CELF2: variants seen among roughly 807,000 people sequenced by gnomAD.
CELF2 encodes CUGBP Elav-like family member 2.
Under a neutral mutation model 62.6 loss-of-function variants are expected in CELF2, and 8 were observed. The ratio of observed to expected loss-of-function variants is 0.13; its 90% CI spans 0.07 to 0.23. The LOEUF is 0.23. CELF2 is among the 10% of genes least tolerant of loss of function. The probability of loss-of-function intolerance (pLI) is 1.00; values close to 1 mark genes in which losing one functional copy is unlikely to be tolerated. For missense variants in CELF2, 333 were observed against 671.0 expected, an observed-to-expected ratio of 0.50 and a Z score of 5.56; for synonymous variants, 258 against 250.0, an observed-to-expected ratio of 1.03 and a Z score of -0.30.
chr10:11,204,779 T>C (rs2060044882), intron 2 of CELF2, among the ~76,000 whole-genome samples: 1 of 152,172 alleles, frequency 6.6e-6, no homozygotes, highest in African/African-American at 2.4e-5. Flanking sequence ...CCGCCGGACA[T>C]CTCCTCCTCC....
chr10:11,203,351 T>A (rs1435092637), intron 2 of CELF2, among the ~76,000 whole-genome samples: 1 of 152,248 alleles, frequency 6.6e-6, no homozygotes, highest in Non-Finnish European at 1.5e-5. Context: ...TCTTCCTACC[T>A]GCTAATGAGT....
intron 1 of CELF2, among the ~76,000 whole-genome samples, chr10:11,115,350 T>C (rs1404544010): frequency 6.6e-6 from 1 of 152,214 alleles, no homozygotes; most frequent in Non-Finnish European, 1.5e-5. Context: ...TACAGGCGTT[T>C]AACATACTTT....
At position 11,156,659 on chromosome 10, in the gene CELF2, G is replaced by A. The variant is rs1187604957; in HGVS notation, c.75-8827G>A. ...ACTCGCGTCATAAATATGATTAAGT[G>A]AATGAATGAGACATCCCTGTCTTCA... On this transcript the variant is annotated intron_variant, in intron 1 of 12. Coordinates refer to ENST00000633077, the MANE Select transcript of CELF2 (RefSeq NM_001326342.2). The surrounding 1 kb of genome is among the most constrained non-coding windows in gnomAD (Gnocchi z 4.3). 6.6e-6 allele frequency among the ~76,000 whole-genome samples: 1 copy of A among 152,200 alleles called. No homozygotes were observed. The highest frequency in any genetic ancestry group is 1.5e-5 in the Non-Finnish European group (1 of 68,038).
At chr10:11,256,525 C>T (rs2078781822) in intron 4 of CELF2, among the ~76,000 whole-genome samples, 1 of 149,224 alleles carries the variant, frequency 6.7e-6, no homozygotes, top group Non-Finnish European at 1.5e-5. Context: ...AAGCAGAGTC[C>T]TCCTCTAGCC....
intron 1 of CELF2, among the ~76,000 whole-genome samples, chr10:11,102,538 A>G (rs1025569378): frequency 1.3e-5 from 2 of 152,176 alleles, no homozygotes; most frequent in Non-Finnish European, 2.9e-5. Context: ...TGTAGCTTTC[A>G]TGGAGATGTG....
At chr10:10,900,598 T>C (rs970174935) in intron 1 of CELF2, among the ~76,000 whole-genome samples, 1 of 152,106 alleles carries the variant, frequency 6.6e-6, no homozygotes, top group Non-Finnish European at 1.5e-5. Context: ...GAAAATTCCC[T>C]CCTGCTATAG....
intron 2 of CELF2, among the ~76,000 whole-genome samples, chr10:10,963,460 C>G (rs2049775856): frequency 6.6e-6 from 1 of 152,200 alleles, no homozygotes; most frequent in South Asian, 2.1e-4. Flanking sequence ...ACGTCTCTCA[C>G]CACTGACGGT....
chr10:10,797,999 G>T (rs1023021045), upstream of CELF2, among the ~76,000 whole-genome samples: 11 of 152,024 alleles, frequency 7.2e-5, no homozygotes, highest in Non-Finnish European at 1.2e-4. Context: ...GGGGCGAGTA[G>T]GGGGTAGCCT....
chr10:11,113,809 A>G (rs2055862704), intron 1 of CELF2, among the ~76,000 whole-genome samples: 1 of 152,186 alleles, frequency 6.6e-6, no homozygotes, highest in African/African-American at 2.4e-5. Flanking sequence ...TAGGAACACA[A>G]GAAACAAAAG....
intron 11 of CELF2, among the ~76,000 whole-genome samples, chr10:11,323,212 G>A (rs2095536389): frequency 6.6e-6 from 1 of 151,904 alleles, no homozygotes; most frequent in Admixed American, 6.6e-5. Flanking sequence ...AATAACCATT[G>A]CCCACTCCTG....
At chr10:10,967,967 G>A (rs1292284909) in intron 2 of CELF2, among the ~76,000 whole-genome samples, 1 of 151,952 alleles carries the variant, frequency 6.6e-6, no homozygotes, top group African/African-American at 2.4e-5. Context: ...AGTACTGAGG[G>A]AGAAAAAAAT....
chr10:10,682,313 G>T, the CELF2 span, among the ~76,000 whole-genome samples: 2 of 152,186 alleles, frequency 1.3e-5, no homozygotes, highest in African/African-American at 4.8e-5. Context: ...AAGAGCAAAT[G>T]ACACAAAATT....
In CELF2 at chr10:10,863,489, G is replaced by A. The variant is rs749182347; in HGVS notation, c.54-56475G>A. Among the ~76,000 whole-genome samples, 5 of 152,188 alleles carry A rather than the reference G, an allele frequency of 3.3e-5. No individual in the cohort carries two copies. The South Asian group carries it at 1.0e-3, about 32-fold the overall frequency. On this transcript the variant is annotated intron_variant, in intron 1 of 13. Coordinates refer to the CELF2 transcript ENST00000636488. ...TATGTGACCTTGGGCAAAGTTAGCA[G>A]ATCTCTCTAAACCTTGGTTGTCTTA... is the stretch of plus-strand genomic sequence containing the variant.
the CELF2 span, among the ~76,000 whole-genome samples, chr10:10,768,671 T>C: frequency 6.6e-6 from 1 of 151,692 alleles, no homozygotes; most frequent in East Asian, 1.9e-4. Flanking sequence ...CCTGCTGGGT[T>C]CAAGCGATTC....
At chr10:11,301,918 C>A (rs2093795475) in intron 9 of CELF2, among the ~76,000 whole-genome samples, 1 of 152,122 alleles carries the variant, frequency 6.6e-6, no homozygotes, top group South Asian at 2.1e-4. Context: ...ACGTGGGCCT[C>A]ATGTGGAGAG....
rs137968170 is a variant in CELF2 at position 11,334,837 on chromosome 10, G to A, written c.*5784G>A. Reference sequence around the variant, plus strand: ...TTCTAAAAGAAGTGAGTTCTCCAGGGAAGAAAAATCAACTTAGCCAGTGAA... The same window carrying A: ...TTCTAAAAGAAGTGAGTTCTCCAGGAAAGAAAAATCAACTTAGCCAGTGAA... On this transcript the variant is annotated 3_prime_UTR_variant, in exon 13 of 13. Transcript: ENST00000633077. 7.2e-4 allele frequency: 110 copies of A among 152,234 alleles called. No homozygotes were observed. The highest frequency in any genetic ancestry group is 2.6e-3 in the African/African-American group (108 of 41,538). 9.4% of individuals were successfully genotyped at this position (152,234 alleles called of 1,614,324 possible).
chr10:11,116,289 CT>C (rs2056544909), intron 1 of CELF2, among the ~76,000 whole-genome samples: 1 of 152,182 alleles, frequency 6.6e-6, no homozygotes, highest in Non-Finnish European at 1.5e-5. Context: ...TGTTATTAGA[CT>C]TAATTTTTAA....
At chr10:10,816,527 T>G (rs187385424) in intron 1 of CELF2, among the ~76,000 whole-genome samples, 1 of 152,372 alleles carries the variant, frequency 6.6e-6, no homozygotes, top group East Asian at 1.9e-4. Context: ...ATCTGTATTA[T>G]GCACATACTG....
chr10:10,585,775 C>T, the CELF2 span, among the ~76,000 whole-genome samples: 43,204 of 152,022 alleles, frequency 0.28, 6,372 homozygotes, highest in East Asian at 0.5. Flanking sequence ...GCGGAAGGAT[C>T]CCAATACATT....
Sources: allele counts gnomAD v4.1 joint callset (sites outside exome capture counted in the v4.1 genomes callset), GRCh38; gene constraint gnomAD v4.1.1; non-coding constraint Gnocchi (gnomAD v3.1); transcripts MANE v1.5; gene names NCBI Gene and HGNC (gene_info 2026-07-23, HGNC 2026-07-21).